CCDC91: variants seen among roughly 807,000 people sequenced by gnomAD.
The protein encoded by CCDC91 is coiled-coil domain-containing protein 91.
In CCDC91, 48 loss-of-function variants were observed where a neutral mutation model predicts 63.2. That is an observed-to-expected ratio of 0.76 (90% CI 0.60 to 0.97). CCDC91 has a LOEUF of 0.97. CCDC91 is among the 50% of genes least tolerant of loss of function. CCDC91 has a pLI of 0.00. For missense variants in CCDC91, 500 were observed against 494.6 expected (o/e 1.01, Z -0.10); for synonymous variants, 167 against 165.8 (o/e 1.01, Z -0.06).
chr12:28,200,588 C>T (rs1942152963), intron 1 of CCDC91, among the ~76,000 whole-genome samples: 1 of 149,270 alleles, frequency 6.7e-6, no homozygotes, highest in Non-Finnish European at 1.5e-5. Flanking sequence ...ATTCAGAGAG[C>T]ACAGGGTTGG....
chr12:28,427,698 G>A (rs1252518317), intron 8 of CCDC91, among the ~76,000 whole-genome samples: 2 of 152,132 alleles, frequency 1.3e-5, no homozygotes, highest in Non-Finnish European at 2.9e-5. Context: ...ATTTTGAAGT[G>A]GCAGTTTGGC....
At chr12:28,529,799 A>G (rs1731180129) in intron 12 of CCDC91, among the ~76,000 whole-genome samples, 1 of 152,196 alleles carries the variant, frequency 6.6e-6, no homozygotes, top group Non-Finnish European at 1.5e-5. Context: ...TCCATCAATT[A>G]TTTGCTTAAT....
intron 12 of CCDC91, among the ~76,000 whole-genome samples, chr12:28,503,030 CTTCATAT>C (rs1938163470): frequency 6.6e-6 from 1 of 152,056 alleles, no homozygotes; most frequent in Non-Finnish European, 1.5e-5. Context: ...TGGGCAAGGA[CTTCATAT>C]TTAAAACACC....
rs1196129593 is a variant in CCDC91 at position 28,472,479 on chromosome 12, C to T, written c.1102-11573C>T. ...TTGAAATTAAAAGTATAATGGATTA[C>T]AATTTTTAATATAGATCTAATGAAA... On this transcript the variant is annotated intron_variant, in intron 11 of 12. Coordinates refer to ENST00000536442, the MANE Select transcript of CCDC91 (RefSeq NM_018318.5). Among the ~76,000 whole-genome samples, 10 of 152,204 alleles carry T rather than the reference C, an allele frequency of 6.6e-5. No individual in the cohort carries two copies. In the East Asian group the frequency reaches 1.4e-3, roughly 21 times the overall value.
Position 28,544,384 on chromosome 12 carries a change from A to G in CCDC91, c.1216-4679A>G, listed in dbSNP as rs555273450. On this transcript the variant is annotated intron_variant, in intron 12 of 12. Coordinates refer to ENST00000536442, the MANE Select transcript of CCDC91 (RefSeq NM_018318.5). The stretch of plus-strand genomic sequence containing the variant: ...AGTCTCTTAATTACCACCTTCTCTA[A>G]GTGGTCTTCTCTAGTCACTTTACCC... Among the ~76,000 whole-genome samples, 14 of 151,886 alleles carry G rather than the reference A, an allele frequency of 9.2e-5. No homozygotes were observed. The South Asian group carries it at 2.9e-3, about 32-fold the overall frequency.
At chr12:28,269,786 C>G (rs1947614984) in intron 3 of CCDC91, among the ~76,000 whole-genome samples, 1 of 151,888 alleles carries the variant, frequency 6.6e-6, no homozygotes, top group Admixed American at 6.6e-5. Context: ...TGTTGTAATT[C>G]CTTTGTTGGG....
intron 6 of CCDC91, among the ~76,000 whole-genome samples, chr12:28,346,705 T>A (rs1942836586): frequency 6.6e-6 from 1 of 152,204 alleles, no homozygotes; most frequent in Admixed American, 6.5e-5. Context: ...TCCCTGGGAT[T>A]GCCACCCTCC....
At chr12:28,380,149 G>A (rs780660386) in intron 7 of CCDC91, among the ~76,000 whole-genome samples, 3 of 151,944 alleles carry the variant, frequency 2.0e-5, no homozygotes, top group Non-Finnish European at 4.4e-5. Context: ...ACAGGAAGGG[G>A]AACATCACAC....
At chr12:28,227,760 A>G (rs1944359475) in intron 1 of CCDC91, among the ~76,000 whole-genome samples, 1 of 152,108 alleles carries the variant, frequency 6.6e-6, no homozygotes, top group Non-Finnish European at 1.5e-5. Flanking sequence ...ACTGTTATCT[A>G]CATTGCCTTA....
intron 6 of CCDC91, among the ~76,000 whole-genome samples, chr12:28,312,590 A>G (rs937614280): frequency 7.9e-5 from 12 of 152,084 alleles, no homozygotes; most frequent in African/African-American, 2.9e-4. Context: ...AGGCTACTGT[A>G]TGTTAAATAT....
chr12:28,248,225 A>C (rs1245606106), intron 1 of CCDC91, among the ~76,000 whole-genome samples: 2 of 152,158 alleles, frequency 1.3e-5, no homozygotes, highest in Non-Finnish European at 1.5e-5. Context: ...AAGAAGGGTA[A>C]ATTTGAGGTT....
At chr12:28,527,695 G>A (rs1941390096) in intron 12 of CCDC91, among the ~76,000 whole-genome samples, 1 of 152,206 alleles carries the variant, frequency 6.6e-6, no homozygotes, top group Admixed American at 6.5e-5. Context: ...CAGTTACCAG[G>A]GTGGTAGGAA....
chr12:28,471,621 CAG>C (rs1950817612), intron 11 of CCDC91, among the ~76,000 whole-genome samples: 1 of 152,142 alleles, frequency 6.6e-6, no homozygotes, highest in South Asian at 2.1e-4. Flanking sequence ...AGAAGACAAA[CAG>C]AATGTTTCAT....
intron 8 of CCDC91, among the ~76,000 whole-genome samples, chr12:28,413,795 T>C (rs1430929884): frequency 6.6e-6 from 1 of 152,230 alleles, no homozygotes; most frequent in Non-Finnish European, 1.5e-5. Flanking sequence ...ACAATTGACA[T>C]GAAATAATAC....
At chr12:28,267,773 AT>A (rs373849481) in intron 3 of CCDC91, among the ~76,000 whole-genome samples, 3,623 of 18,028 alleles carry the variant, frequency 0.2, 510 homozygotes, top group East Asian at 0.3. Context: ...ATATAATTAT[AT>A]TATTAATATA....
Position 28,549,156 on chromosome 12 carries a change from C to T in CCDC91, c.1309C>T (p.Pro437Ser). ...KQLSALIATE[P>S]VDIE ...GTTAAGTGCTTTAATAGCTACGGAACCAGTTGACATTGAATAAAAAGAACA... is the reference window on the plus strand; with the variant it reads ...GTTAAGTGCTTTAATAGCTACGGAATCAGTTGACATTGAATAAAAAGAACA... Residue 437 changes from proline to serine, a missense_variant, in exon 13 of 13, where the codon CCA becomes TCA. Transcript: ENST00000536442. The T allele has an allele frequency of 6.2e-7, 1 of 1,604,924 alleles. No homozygotes were observed. The highest frequency in any genetic ancestry group is 8.5e-7 in the Non-Finnish European group (1 of 1,172,134).
chr12:28,521,457 T>A (rs1940653428), intron 12 of CCDC91, among the ~76,000 whole-genome samples: 1 of 152,194 alleles, frequency 6.6e-6, no homozygotes, highest in Non-Finnish European at 1.5e-5. Flanking sequence ...GCTTATGAGC[T>A]TAAGGAGATT....
intron 8 of CCDC91, among the ~76,000 whole-genome samples, chr12:28,397,254 A>C (rs1222838185): frequency 6.6e-6 from 1 of 152,224 alleles, no homozygotes; most frequent in African/African-American, 2.4e-5. Flanking sequence ...ATCACTAACA[A>C]GAGTAGTTTC....
At chr12:28,537,178 C>T (rs1942241778) in intron 12 of CCDC91, among the ~76,000 whole-genome samples, 2 of 151,434 alleles carry the variant, frequency 1.3e-5, no homozygotes, top group African/African-American at 2.4e-5. Flanking sequence ...TTTTCTTTTT[C>T]ACTATTCTAG....
Sources: allele counts gnomAD v4.1 joint callset (sites outside exome capture counted in the v4.1 genomes callset), GRCh38; gene constraint gnomAD v4.1.1; transcripts MANE v1.5; gene names NCBI Gene and HGNC (gene_info 2026-07-23, HGNC 2026-07-21).